The following KRT8 variants were observed in gnomAD, a reference collection of about 807,000 sequenced individuals.
KRT8 encodes keratin 8, also known as keratin, type II cytoskeletal 8.
KRT8 carries 24 observed loss-of-function variants against 43.0 expected under a neutral mutation model. The observed-to-expected ratio is 0.56, with a 90% CI of 0.40 to 0.78. The LOEUF (loss-of-function observed/expected upper bound fraction) is 0.78, where lower values mean the gene tolerates loss of function less well. Among genes scored for constraint, KRT8 ranks in the 30% least tolerant of loss-of-function variants. The pLI is 0.00. For missense variants in KRT8, 492 were observed against 638.4 expected (o/e 0.77, Z 2.47); for synonymous variants, 214 against 261.2 (o/e 0.82, Z 1.74).
At chr12:52,949,676 C>T (rs747107527) in intron 1 of KRT8, 1 of 1,174,402 alleles carries the variant, frequency 8.5e-7, no homozygotes, top group South Asian at 1.2e-5. Context: ...ATTCCATAAC[C>T]ACCCAACCCC....
chr12:52,929,244 G>A lies in KRT8; in HGVS notation c.-47+20212C>T, dbSNP rs555781616. On this transcript the variant is annotated intron_variant, in intron 2 of 6. Transcript: ENST00000546826. The stretch of plus-strand genomic sequence containing the variant: ...TCATTCGCCCAGGCTAGAGTGCAGC[G>A]GTATGATCTCGATCTCAGCTCACTG... 1.9e-3 allele frequency among the ~76,000 whole-genome samples: 274 copies of A among 148,008 alleles called. 4 individuals carry two copies. Among genetic ancestry groups the A allele is most frequent in the Admixed American group, 2.8e-3 (41 of 14,758 alleles).
upstream of KRT8, chr12:52,905,168 C>A (rs1941486765): frequency 1.8e-6 from 2 of 1,100,056 alleles, no homozygotes; most frequent in Non-Finnish European, 2.5e-6. Flanking sequence ...GGGCCTAACC[C>A]GTCACCTGCC....
intron 2 of KRT8, among the ~76,000 whole-genome samples, chr12:52,933,724 A>C (rs540154147): frequency 1.3e-5 from 2 of 152,048 alleles, no homozygotes; most frequent in South Asian, 4.2e-4. Context: ...TCCCGGGTTC[A>C]AGCAATTCTC....
intron 2 of KRT8, among the ~76,000 whole-genome samples, chr12:52,926,151 G>A (rs769449731): frequency 2.0e-4 from 11 of 55,344 alleles, no homozygotes; most frequent in East Asian, 7.2e-4. Context: ...CCTGCCCCCC[G>A]CCCCCCACCA....
chr12:52,927,084 C>G (rs751868326), intron 2 of KRT8, among the ~76,000 whole-genome samples: 25 of 152,278 alleles, frequency 1.6e-4, no homozygotes, highest in Non-Finnish European at 3.2e-4. Context: ...AGGATTCCCC[C>G]CAAGGGAGGA....
At chr12:52,902,867 C>T (rs1431114168) in intron 1 of KRT8, among the ~76,000 whole-genome samples, 4 of 152,080 alleles carry the variant, frequency 2.6e-5, no homozygotes, top group Non-Finnish European at 1.5e-5. Flanking sequence ...CAAAAATTAA[C>T]CGGGCATGGT....
chr12:52,901,544 G>A, intron 2 of KRT8: 1 of 554,952 alleles, frequency 1.8e-6, no homozygotes, highest in South Asian at 2.1e-5. Flanking sequence ...ACTAAAGAGG[G>A]GCCAGAATGT....
At chr12:52,943,441 G>A (rs1403522965) in intron 2 of KRT8, among the ~76,000 whole-genome samples, 1 of 152,136 alleles carries the variant, frequency 6.6e-6, no homozygotes, top group Non-Finnish European at 1.5e-5. Context: ...GGAACTTAGA[G>A]ATCTAGGCCT....
At chr12:52,917,966 AGAGGAAGAG>A (rs1941777770) in intron 2 of KRT8, among the ~76,000 whole-genome samples, 2 of 148,256 alleles carry the variant, frequency 1.3e-5, no homozygotes, top group African/African-American at 2.5e-5. Flanking sequence ...AAGAAGAAGA[AGAGGAAGAG>A]GAAGAAGAAG....
chr12:52,922,404 G>A (rs1211916777), intron 2 of KRT8, among the ~76,000 whole-genome samples: 1 of 152,160 alleles, frequency 6.6e-6, no homozygotes, highest in Non-Finnish European at 1.5e-5. Flanking sequence ...CAGGCACGGT[G>A]GCTCACGCCT....
At chr12:52,941,913 G>A (rs1196658352) in intron 2 of KRT8, among the ~76,000 whole-genome samples, 1 of 152,120 alleles carries the variant, frequency 6.6e-6, no homozygotes, top group Non-Finnish European at 1.5e-5. Context: ...GCTTTTCTGT[G>A]CTGTATTCTC....
At chr12:52,942,740 G>A (rs995735961) in intron 2 of KRT8, among the ~76,000 whole-genome samples, 34 of 152,016 alleles carry the variant, frequency 2.2e-4, no homozygotes, top group African/African-American at 7.7e-4. Flanking sequence ...CCCAGGATAC[G>A]CAGTGTTTCT....
intron 2 of KRT8, among the ~76,000 whole-genome samples, chr12:52,931,504 C>T (rs1418633413): frequency 2.0e-5 from 3 of 152,238 alleles, no homozygotes; most frequent in South Asian, 4.2e-4. Context: ...GCATTCATGA[C>T]ATGTTCCCAA....
In KRT8 at chr12:52,898,666, T is replaced by G. The variant is rs1224182200; in HGVS notation, c.1202+13A>C. 2 of 1,614,010 alleles carry G rather than the reference T, an allele frequency of 1.2e-6. No homozygotes were observed. Among genetic ancestry groups the G allele is most frequent in the Admixed American group, 3.3e-5 (2 of 60,006 alleles). On this transcript the variant is annotated intron_variant, in intron 6 of 7. Transcript: ENST00000692008. ...ATAGGGAAGCAGGTCCGGTCAGAGG[T>G]ACCCACACCCACCGGCTCTCCTCGC...
chr12:52,934,255 G>GGAAGGA (rs536756512), intron 2 of KRT8, among the ~76,000 whole-genome samples: 1 of 150,254 alleles, frequency 6.7e-6, no homozygotes, highest in Non-Finnish European at 1.5e-5. Context: ...TAAAAGAAAA[G>GGAAGGA]GAAGGAGAAG....
intron 2 of KRT8, among the ~76,000 whole-genome samples, chr12:52,932,081 G>A (rs1248661354): frequency 6.6e-6 from 1 of 151,354 alleles, no homozygotes; most frequent in African/African-American, 2.4e-5. Context: ...ATAGGCACCT[G>A]GTAAATCATT....
At chr12:52,941,478 CTTTTTTTTTTT>C (rs774607187) in intron 2 of KRT8, among the ~76,000 whole-genome samples, 2 of 72,574 alleles carry the variant, frequency 2.8e-5, no homozygotes, top group Admixed American at 2.0e-4. Flanking sequence ...AGTTTTTGCT[CTTTTTTTTTTT>C]TTTTTTTTTT....
At chr12:52,906,764 G>A (rs1262191026), upstream of KRT8, 1 of 455,842 alleles carries the variant, frequency 2.2e-6, no homozygotes, top group Non-Finnish European at 4.4e-6. Flanking sequence ...GAGAGGGACA[G>A]GTGACATAGC....
intron 2 of KRT8, among the ~76,000 whole-genome samples, chr12:52,941,502 T>G (rs1474232916): frequency 1.5e-3 from 215 of 143,290 alleles, no homozygotes; most frequent in African/African-American, 5.1e-3. Context: ...TTTTTTTTTT[T>G]TTTGAGACAG....
Sources: allele counts gnomAD v4.1 joint callset (sites outside exome capture counted in the v4.1 genomes callset), GRCh38; gene constraint gnomAD v4.1.1; transcripts MANE v1.5; gene names NCBI Gene and HGNC (gene_info 2026-07-23, HGNC 2026-07-21).